The following GRID2 variants were observed in gnomAD, a reference collection of about 807,000 sequenced individuals.
GRID2 encodes glutamate receptor ionotropic, delta-2.
In GRID2, 33 loss-of-function variants were observed where a neutral mutation model predicts 114.8. The observed-to-expected ratio is 0.29, with a 90% CI of 0.22 to 0.38. The LOEUF (loss-of-function observed/expected upper bound fraction) is 0.38. GRID2 is among the 10% of genes least tolerant of loss of function. GRID2 has a pLI of 1.00. For missense variants in GRID2, 1,184 were observed against 1,257.7 expected (o/e 0.94, Z 0.89); for synonymous variants, 505 against 449.9 (o/e 1.12, Z -1.55).
At chr4:93,769,980 C>T (rs1454153580) in intron 15 of GRID2, among the ~76,000 whole-genome samples, 1 of 152,144 alleles carries the variant, frequency 6.6e-6, no homozygotes, top group Non-Finnish European at 1.5e-5. Context: ...ATCCAAAATC[C>T]ACATCATGAA....
At chr4:93,167,906 A>T (rs1738407752) in intron 4 of GRID2, among the ~76,000 whole-genome samples, 1 of 152,080 alleles carries the variant, frequency 6.6e-6, no homozygotes, top group Non-Finnish European at 1.5e-5. Context: ...ATATAAACAT[A>T]TATATGGTTG....
At chr4:92,452,972 A>G (rs931958405) in intron 1 of GRID2, among the ~76,000 whole-genome samples, 2 of 150,146 alleles carry the variant, frequency 1.3e-5, no homozygotes, top group African/African-American at 4.9e-5. Context: ...GTGTGCATAC[A>G]CTTATGCATT....
rs188383116 is a variant in GRID2 at position 92,808,711 on chromosome 4, T to C, written c.244+218425T>C. 3.0e-4 allele frequency among the ~76,000 whole-genome samples: 46 copies of C among 152,124 alleles called. No individual in the cohort carries two copies. The East Asian group carries it at 8.7e-3, about 29-fold the overall frequency. On this transcript the variant is annotated intron_variant, in intron 2 of 15. Transcript: ENST00000282020. ...CAATATCATTATACACACTATTGTTTTGAGGTCACAGAACATGAAATCTCT... is the reference window on the plus strand; with the variant it reads ...CAATATCATTATACACACTATTGTTCTGAGGTCACAGAACATGAAATCTCT...
chr4:92,658,683 G>A (rs959663054), intron 2 of GRID2, among the ~76,000 whole-genome samples: 2 of 151,344 alleles, frequency 1.3e-5, no homozygotes, highest in East Asian at 1.9e-4. Flanking sequence ...AAATAATCAC[G>A]ATTTTAGCCT....
chr4:92,633,986 CTT>C (rs763289856), intron 2 of GRID2, among the ~76,000 whole-genome samples: 36 of 151,776 alleles, frequency 2.4e-4, no homozygotes, highest in Admixed American at 6.6e-5. Flanking sequence ...GTTTACCTCT[CTT>C]CTCTCTGTTT....
intron 2 of GRID2, among the ~76,000 whole-genome samples, chr4:92,735,786 T>C (rs1736563222): frequency 6.6e-6 from 1 of 152,052 alleles, no homozygotes; most frequent in African/African-American, 2.4e-5. Context: ...GTGGATTGAA[T>C]GTCTGTTCCT....
chr4:93,737,704 T>C (rs1304554209), intron 14 of GRID2, among the ~76,000 whole-genome samples: 1 of 152,132 alleles, frequency 6.6e-6, no homozygotes, highest in East Asian at 1.9e-4. Flanking sequence ...TATCGAAAGA[T>C]TCCATCTCTC....
chr4:92,454,855 C>T (rs950187786), intron 1 of GRID2, among the ~76,000 whole-genome samples: 1 of 152,084 alleles, frequency 6.6e-6, no homozygotes, highest in East Asian at 1.9e-4. Flanking sequence ...AAAGAAAAAT[C>T]TGCACCCCTG....
intron 11 of GRID2, among the ~76,000 whole-genome samples, chr4:93,469,987 A>G (rs1402900330): frequency 1.3e-5 from 2 of 152,134 alleles, no homozygotes; most frequent in Non-Finnish European, 2.9e-5. Flanking sequence ...TAAAATGTTC[A>G]CTATGATGTT....
At chr4:93,339,207 C>T (rs1425202128) in intron 8 of GRID2, among the ~76,000 whole-genome samples, 1 of 152,062 alleles carries the variant, frequency 6.6e-6, no homozygotes, top group Non-Finnish European at 1.5e-5. Context: ...TGTGTCTCCT[C>T]CAAAAAAGAT....
chr4:92,574,728 C>T (rs769168855), intron 1 of GRID2, among the ~76,000 whole-genome samples: 13 of 152,018 alleles, frequency 8.6e-5, no homozygotes, highest in Non-Finnish European at 1.9e-4. Flanking sequence ...CGGTCACCTG[C>T]GTTTTCTCTC....
chr4:92,500,020 T>G (rs1320659068), intron 1 of GRID2, among the ~76,000 whole-genome samples: 2 of 152,238 alleles, frequency 1.3e-5, no homozygotes, highest in Non-Finnish European at 2.9e-5. Context: ...ATTAATATTT[T>G]TCCCATGCAA....
chr4:92,766,589 A>G (rs2149349018), intron 2 of GRID2, among the ~76,000 whole-genome samples: 1 of 152,176 alleles, frequency 6.6e-6, no homozygotes, highest in South Asian at 2.1e-4. Flanking sequence ...GTAATGTATG[A>G]ATGAATAAGT....
At chr4:93,449,688 A>C (rs1722497849) in intron 10 of GRID2, among the ~76,000 whole-genome samples, 1 of 152,026 alleles carries the variant, frequency 6.6e-6, no homozygotes, top group Non-Finnish European at 1.5e-5. Flanking sequence ...GCTATATCTA[A>C]AGTTTTAACT....
rs1725281981 is a variant in GRID2, at chr4:92,304,645, G to A, written c.-12G>A. On this transcript the variant is annotated 5_prime_UTR_variant, in exon 1 of 16. Coordinates refer to ENST00000282020, the MANE Select transcript of GRID2 (RefSeq NM_001510.4). The stretch of plus-strand genomic sequence containing the variant: ...GAAAATCCATCCTCCAAGAGAATCG[G>A]CATAGGAGGAGATGGAAGTTTTCCC... 10 of 1,589,900 alleles carry A rather than the reference G, an allele frequency of 6.3e-6. No homozygotes were observed. Among genetic ancestry groups the A allele is most frequent in the Non-Finnish European group, 7.8e-6 (9 of 1,158,200 alleles).
chr4:92,990,273 G>A (rs1318525092), intron 2 of GRID2, among the ~76,000 whole-genome samples: 4 of 123,936 alleles, frequency 3.2e-5, no homozygotes, highest in Non-Finnish European at 5.0e-5. Flanking sequence ...ATATATGTAC[G>A]TAGATATGTG....
At chr4:93,753,658 A>T (rs1206160360) in intron 14 of GRID2, among the ~76,000 whole-genome samples, 1 of 152,134 alleles carries the variant, frequency 6.6e-6, no homozygotes, top group African/African-American at 2.4e-5. Flanking sequence ...CCATGTCCCT[A>T]CAAAGGACAT....
intron 2 of GRID2, among the ~76,000 whole-genome samples, chr4:92,868,937 T>C (rs2149444027): frequency 6.6e-6 from 1 of 152,312 alleles, no homozygotes; most frequent in Admixed American, 6.5e-5. Flanking sequence ...ATAAGGGATT[T>C]CAAATTGTTT....
chr4:93,425,724 G>C (rs935917328), intron 10 of GRID2, among the ~76,000 whole-genome samples: 3 of 152,064 alleles, frequency 2.0e-5, no homozygotes, highest in Non-Finnish European at 2.9e-5. Context: ...GGCAACCCTA[G>C]CTGATTCAAA....
Sources: gnomAD v4.1 joint callset for allele counts (sites outside exome capture counted in the v4.1 genomes callset) on GRCh38, gnomAD v4.1.1 for gene constraint, MANE v1.5 for transcripts, NCBI Gene and HGNC (gene_info 2026-07-23, HGNC 2026-07-21) for gene names.